Variants in MTHFD1L observed in about 807,000 individuals in gnomAD.
MTHFD1L encodes methylenetetrahydrofolate dehydrogenase (NADP+ dependent) 1 like, also known as monofunctional C1-tetrahydrofolate synthase, mitochondrial.
Under a neutral mutation model 119.5 loss-of-function variants are expected in MTHFD1L, and 81 were observed. The ratio of observed to expected loss-of-function variants is 0.68; its 90% CI spans 0.57 to 0.82. The LOEUF (loss-of-function observed/expected upper bound fraction) is 0.82, where lower values mean the gene tolerates loss of function less well. Ranked by LOEUF, MTHFD1L falls within the 40% of genes least tolerant of loss-of-function variation. The pLI is 0.00. For synonymous variants in MTHFD1L, 430 were observed against 475.2 expected (o/e 0.90, Z 1.24); for missense variants, 1,125 against 1,253.4 (o/e 0.90, Z 1.55).
intron 26 of MTHFD1L, among the ~76,000 whole-genome samples, chr6:151,062,844 T>C (rs1584370624): frequency 7.1e-6 from 1 of 140,756 alleles, no homozygotes; most frequent in African/African-American, 2.6e-5. Flanking sequence ...TATATATATA[T>C]ACAGCTGTTG....
At chr6:151,022,997 C>G (rs1369502677) in intron 24 of MTHFD1L, among the ~76,000 whole-genome samples, 1 of 151,882 alleles carries the variant, frequency 6.6e-6, no homozygotes, top group Non-Finnish European at 1.5e-5. Flanking sequence ...TCCAGATACC[C>G]CCTGCTTTTT....
Position 150,882,758 on chromosome 6 carries a change from T to G in MTHFD1L, c.418-4T>G. 1 of 1,483,702 alleles carries G rather than the reference T, an allele frequency of 6.7e-7. No individual in the cohort carries two copies. 91.9% of individuals were successfully genotyped at this position (1,483,702 alleles called of 1,614,324 possible). A position where few individuals can be genotyped will look rare whatever the true frequency, so the allele number is the denominator to read the frequency against. Reference sequence around the variant, plus strand: ...TTTATTTTGTTTTTTTGTTTTCTCTTTAGATTATAGATGAAATCTTAAAGA... The same window carrying G: ...TTTATTTTGTTTTTTTGTTTTCTCTGTAGATTATAGATGAAATCTTAAAGA... On this transcript the variant is annotated splice_polypyrimidine_tract_variant and splice_region_variant and intron_variant, in intron 4 of 27. Coordinates refer to ENST00000367321, the MANE Select transcript of MTHFD1L (RefSeq NM_015440.5).
Position 150,877,614 on chromosome 6 carries a change from G to A in MTHFD1L, c.313-20G>A. Reference sequence around the variant, plus strand: ...TTTCAAGCTATTTTTATGTTGTTATGTTGTTTTTACCTTCCTAAGGCAGGT... The same window carrying A: ...TTTCAAGCTATTTTTATGTTGTTATATTGTTTTTACCTTCCTAAGGCAGGT... On this transcript the variant is annotated intron_variant, in intron 2 of 27. Coordinates refer to ENST00000367321, the MANE Select transcript of MTHFD1L (RefSeq NM_015440.5). The A allele has an allele frequency of 6.2e-7, 1 of 1,613,504 alleles. No individual in the cohort carries two copies. The highest frequency in any genetic ancestry group is 8.5e-7 in the Non-Finnish European group (1 of 1,179,808).
intron 26 of MTHFD1L, among the ~76,000 whole-genome samples, chr6:151,058,413 G>C (rs537150961): frequency 1.3e-5 from 2 of 152,200 alleles, no homozygotes; most frequent in East Asian, 3.9e-4. Flanking sequence ...TCAGAAAGCT[G>C]TGGGTACACT....
At chr6:150,940,377 C>T (rs1792880358) in intron 13 of MTHFD1L, among the ~76,000 whole-genome samples, 1 of 152,012 alleles carries the variant, frequency 6.6e-6, no homozygotes, top group Non-Finnish European at 1.5e-5. Context: ...TGAAAAAAAT[C>T]GTCCCAGGCC....
At chr6:151,043,171 TG>T (rs1432835480) in intron 26 of MTHFD1L, among the ~76,000 whole-genome samples, 1 of 152,024 alleles carries the variant, frequency 6.6e-6, no homozygotes, top group Non-Finnish European at 1.5e-5. Context: ...TGTTTTTCCC[TG>T]TTCATTTGTT....
chr6:150,922,173 C>T, intron 9 of MTHFD1L, 32 bp from the exon 10 acceptor site: 4 of 1,534,018 alleles, frequency 2.6e-6, no homozygotes, highest in Non-Finnish European at 3.6e-6. Flanking sequence ...TTTTACCATT[C>T]TAACATGTTT....
At chr6:150,935,050 G>C (rs1392089002) in intron 11 of MTHFD1L, 1 of 1,613,588 alleles carries the variant, frequency 6.2e-7, no homozygotes, top group African/African-American at 1.3e-5. Context: ...TTCTGGGTTT[G>C]GACTGTGCTG....
intron 4 of MTHFD1L, among the ~76,000 whole-genome samples, chr6:150,879,143 C>A (rs759832312): frequency 6.6e-6 from 1 of 152,062 alleles, no homozygotes; most frequent in Non-Finnish European, 1.5e-5. Flanking sequence ...ATATACTGGG[C>A]GATAAGTGTT....
chr6:150,931,316 G>T (rs1583623608), intron 11 of MTHFD1L, among the ~76,000 whole-genome samples: 1 of 107,372 alleles, frequency 9.3e-6, no homozygotes, highest in East Asian at 3.3e-4. Flanking sequence ...ATACCCGATT[G>T]GATTTTTTAA....
intron 26 of MTHFD1L, among the ~76,000 whole-genome samples, chr6:151,047,623 C>G (rs891212016): frequency 6.6e-6 from 1 of 152,158 alleles, no homozygotes; most frequent in African/African-American, 2.4e-5. Flanking sequence ...CAAAAAGAGC[C>G]AATTCCATCC....
rs1275310098 is a variant in MTHFD1L at position 150,885,590 on chromosome 6, TGGCTGGGC to T, written c.543-43_543-36del. ...GTACATTACACGTGAGTGATTTTTTTGGCTGGGCTTTGACTTAACCTACTTCTTTATTT... is the reference window on the plus strand; with the variant it reads ...GTACATTACACGTGAGTGATTTTTTTTTTGACTTAACCTACTTCTTTATTT... On this transcript the variant is annotated intron_variant, in intron 5 of 27. Transcript: ENST00000367321. The T allele has an allele frequency of 4.1e-6, 6 of 1,474,796 alleles. No homozygotes were observed. The African/African-American group carries it at 4.2e-5, about 10-fold the overall frequency. 91.4% of individuals were successfully genotyped at this position (1,474,796 alleles called of 1,614,324 possible).
intron 26 of MTHFD1L, among the ~76,000 whole-genome samples, chr6:151,050,980 T>C (rs1450145615): frequency 6.6e-6 from 1 of 152,054 alleles, no homozygotes. Flanking sequence ...TGTTCAAGGA[T>C]TTTTGTAGAG....
At chr6:150,871,968 C>A (rs1779618014) in intron 1 of MTHFD1L, among the ~76,000 whole-genome samples, 1 of 151,928 alleles carries the variant, frequency 6.6e-6, no homozygotes, top group South Asian at 2.1e-4. Flanking sequence ...ACCTCTGCCT[C>A]CCGGGTTCAA....
chr6:151,041,066 G>T (rs1351613045), intron 26 of MTHFD1L, among the ~76,000 whole-genome samples: 1 of 152,208 alleles, frequency 6.6e-6, no homozygotes, highest in African/African-American at 2.4e-5. Context: ...GGGTCGCAGT[G>T]AGCGTCAGTG....
intron 7 of MTHFD1L, among the ~76,000 whole-genome samples, chr6:150,899,750 G>A (rs1271399686): frequency 6.6e-6 from 1 of 152,046 alleles, no homozygotes; most frequent in Non-Finnish European, 1.5e-5. Flanking sequence ...GAGGCAGGCG[G>A]ATCATGAGGT....
At chr6:151,009,122 CA>C (rs59189384) in intron 20 of MTHFD1L, among the ~76,000 whole-genome samples, 2,722 of 96,824 alleles carry the variant, frequency 0.028, 61 homozygotes, top group African/African-American at 0.092. Context: ...AACTCCATCT[CA>C]AAAAAAAAAA....
intron 26 of MTHFD1L, among the ~76,000 whole-genome samples, chr6:151,060,969 T>G (rs2346508): frequency 0.11 from 16,483 of 152,130 alleles, 1,003 homozygotes; most frequent in Admixed American, 0.16. Context: ...ACCTGAGGTG[T>G]AGGCAGGGGA....
chr6:150,875,273 T>G (rs1780245693), intron 1 of MTHFD1L, among the ~76,000 whole-genome samples: 1 of 151,992 alleles, frequency 6.6e-6, no homozygotes, highest in South Asian at 2.1e-4. Context: ...GGTCTCAAAC[T>G]CCTGGTCTCA....
Sources: gnomAD v4.1 joint callset for allele counts (sites outside exome capture counted in the v4.1 genomes callset) on GRCh38, gnomAD v4.1.1 for gene constraint, MANE v1.5 for transcripts, NCBI Gene and HGNC (gene_info 2026-07-23, HGNC 2026-07-21) for gene names.